CCNH: variants seen among roughly 807,000 people sequenced by gnomAD.
The protein encoded by CCNH is cyclin H.
Under a neutral mutation model 41.9 loss-of-function variants are expected in CCNH, and 31 were observed. The ratio of observed to expected loss-of-function variants is 0.74; its 90% confidence interval spans 0.56 to 1.00. The LOEUF is 1.00. CCNH is among the 50% of genes least tolerant of loss of function. CCNH has a pLI of 0.00. For synonymous variants in CCNH, 138 were observed against 136.1 expected, an observed-to-expected ratio of 1.01 and a Z score of -0.10; for missense variants, 362 against 388.4, an observed-to-expected ratio of 0.93 and a Z score of 0.57.
At position 87,321,592 on chromosome 5, in the gene CCNH, A is replaced by G. The variant is rs555515811; in HGVS notation, c.*91-2695T>C. 3.3e-5 allele frequency among the ~76,000 whole-genome samples: 5 copies of G among 152,374 alleles called. No homozygotes were observed. The South Asian group carries it at 1.0e-3, about 32-fold the overall frequency. ...ACTGGTTTATTATGAAGGATATGTT[A>G]AAGGATACAAGTAAACAGCCATATG... On this transcript the variant is annotated intron_variant and NMD_transcript_variant, in intron 9 of 9. Coordinates refer to the CCNH transcript ENST00000645953.
rs115394820 is a variant in CCNH, at chr5:87,362,734, C to T, written c.*90+30036G>A. 2.3e-3 allele frequency: 3,580 copies of T among 1,533,456 alleles called. 64 individuals carry two copies. In the African/African-American group the frequency reaches 0.041, roughly 17 times the overall value. 95.0% of individuals were successfully genotyped at this position (1,533,456 alleles called of 1,614,324 possible). A position where few individuals can be genotyped will look rare whatever the true frequency, so the allele number is the denominator to read the frequency against. On this transcript the variant is annotated intron_variant and NMD_transcript_variant, in intron 9 of 9. Transcript: ENST00000645953. ...GACGTTGTAAATATGGAGCTCCGAACTTATTGTGATATATATTTAATAAGT... is the reference window on the plus strand; with the variant it reads ...GACGTTGTAAATATGGAGCTCCGAATTTATTGTGATATATATTTAATAAGT...
intron 9 of CCNH, chr5:87,363,598 C>T (rs1282148154): frequency 8.5e-6 from 12 of 1,403,580 alleles, no homozygotes; most frequent in Non-Finnish European, 9.0e-6. Context: ...CTAAAATCAT[C>T]TTCTAAAAGT....
At chr5:87,341,078 A>G (rs983167723) in intron 9 of CCNH, among the ~76,000 whole-genome samples, 1 of 152,076 alleles carries the variant, frequency 6.6e-6, no homozygotes, top group Non-Finnish European at 1.5e-5. Context: ...GTTTAAGAAA[A>G]GTCGATAAGA....
At chr5:87,370,959 T>G (rs1161117803) in intron 9 of CCNH, among the ~76,000 whole-genome samples, 1 of 152,166 alleles carries the variant, frequency 6.6e-6, no homozygotes, top group African/African-American at 2.4e-5. Context: ...GTAATGCACA[T>G]AAAATTTTAC....
intron 9 of CCNH, among the ~76,000 whole-genome samples, chr5:87,339,552 T>C (rs1000884628): frequency 2.0e-5 from 3 of 152,132 alleles, no homozygotes; most frequent in African/African-American, 7.2e-5. Context: ...GAACTTTTCT[T>C]GAGCTCTTGG....
intron 9 of CCNH, among the ~76,000 whole-genome samples, chr5:87,335,419 G>T (rs953668877): frequency 1.5e-4 from 11 of 72,928 alleles, no homozygotes; most frequent in African/African-American, 4.4e-4. Flanking sequence ...AAAGAATGAG[G>T]TTTTTTTTTT....
downstream of CCNH, chr5:87,391,251 T>C: frequency 2.5e-6 from 1 of 399,154 alleles, no homozygotes; most frequent in Non-Finnish European, 4.6e-6. Flanking sequence ...GAGAAAGAAC[T>C]ATGAAATCAA....
rs1561346852 is a variant in CCNH, at chr5:87,399,385, T to TG, written c.872+8_872+9insC. On this transcript the variant is annotated intron_variant, in intron 7 of 8. Coordinates refer to ENST00000256897, the MANE Select transcript of CCNH (RefSeq NM_001239.4). The stretch of plus-strand genomic sequence containing the variant: ...ATGTCTATTGATTAACACTGTCACA[T>TG]TAACTTACGTGATTACGTTAAGTGC... 4.4e-6 allele frequency: 7 copies of TG among 1,591,592 alleles called. No individual in the cohort carries two copies. In the Admixed American group the frequency reaches 1.0e-4, roughly 23 times the overall value.
intron 9 of CCNH, chr5:87,341,271 CTT>C: frequency 7.7e-7 from 1 of 1,302,438 alleles, no homozygotes. Context: ...AAAATACTGT[CTT>C]AATGTCTTCC....
intron 9 of CCNH, among the ~76,000 whole-genome samples, chr5:87,366,883 T>C (rs1403874436): frequency 2.6e-5 from 4 of 151,978 alleles, no homozygotes; most frequent in African/African-American, 9.7e-5. Context: ...AATTAAAAAA[T>C]TAGCCAGGTG....
At chr5:87,394,713 A>C (rs750394166) in intron 8 of CCNH, 3 of 1,335,358 alleles carry the variant, frequency 2.2e-6, no homozygotes, top group Non-Finnish European at 2.9e-6. Flanking sequence ...CTGATTATTC[A>C]CTTATTTGAC....
At chr5:87,384,136 C>T (rs1349227742) in intron 9 of CCNH, among the ~76,000 whole-genome samples, 1 of 151,954 alleles carries the variant, frequency 6.6e-6, no homozygotes, top group African/African-American at 2.4e-5. Context: ...AGACTGCTGC[C>T]AGCTAGATCT....
At chr5:87,327,612 G>C (rs886634598) in intron 9 of CCNH, among the ~76,000 whole-genome samples, 3 of 152,130 alleles carry the variant, frequency 2.0e-5, no homozygotes, top group African/African-American at 7.2e-5. Context: ...GGGAGTGTCA[G>C]CATAATCATA....
At chr5:87,378,593 A>G (rs904359828), upstream of CCNH, 5 of 1,498,414 alleles carry the variant, frequency 3.3e-6, no homozygotes, top group African/African-American at 1.4e-5. Flanking sequence ...TTTAATAGGT[A>G]ATAATTTGTA....
chr5:87,380,394 TA>T (rs1337389081), upstream of CCNH: 3 of 974,972 alleles, frequency 3.1e-6, no homozygotes, highest in Non-Finnish European at 4.9e-6. Context: ...CTTTTTTGGG[TA>T]AAAGGCCAGT....
chr5:87,408,217 G>A (rs748391162), intron 3 of CCNH, 31 bp from the exon 4 acceptor site: 6 of 1,086,122 alleles, frequency 5.5e-6, no homozygotes, highest in Non-Finnish European at 8.2e-6. Context: ...GCAGGAGGCA[G>A]GGGGTGGGTG....
intron 9 of CCNH, among the ~76,000 whole-genome samples, chr5:87,327,363 T>G (rs1005813050): frequency 4.6e-5 from 7 of 152,222 alleles, no homozygotes; most frequent in Admixed American, 4.6e-4. Flanking sequence ...TATTTTTCTT[T>G]AAAGGAATTT....
In CCNH at chr5:87,395,029, TG is replaced by T; in HGVS notation, c.933+14del. ...ACAAAAATAACTTAGAGTTCATCTT[TG>T]GAGTAAAACATACCTCCTCATGTTT... On this transcript the variant is annotated intron_variant, in intron 8 of 8. Coordinates refer to ENST00000256897, the MANE Select transcript of CCNH (RefSeq NM_001239.4). 6.2e-7 allele frequency: 1 copy of T among 1,610,874 alleles called. No individual in the cohort carries two copies.
At chr5:87,377,580 G>A (rs1580388639), upstream of CCNH, among the ~76,000 whole-genome samples, 1 of 151,924 alleles carries the variant, frequency 6.6e-6, no homozygotes, top group Non-Finnish European at 1.5e-5. Flanking sequence ...CAGGTGATCC[G>A]CCTGCCTCAA....
Sources: allele counts gnomAD v4.1 joint callset (sites outside exome capture counted in the v4.1 genomes callset), GRCh38; gene constraint gnomAD v4.1.1; transcripts MANE v1.5; gene names NCBI Gene and HGNC (gene_info 2026-07-23, HGNC 2026-07-21).